FNDC1: variants seen among roughly 807,000 people sequenced by gnomAD.
FNDC1 encodes the protein fibronectin type III domain-containing protein 1.
Under a neutral mutation model 168.0 loss-of-function variants are expected in FNDC1, and 96 were observed. The observed-to-expected ratio is 0.57, with a 90% CI of 0.48 to 0.68. The LOEUF (loss-of-function observed/expected upper bound fraction) is 0.68, where lower values mean the gene tolerates loss of function less well. Ranked by LOEUF, FNDC1 falls within the 30% of genes least tolerant of loss-of-function variation. FNDC1 has a pLI of 0.00. For synonymous variants in FNDC1, 1,099 were observed against 1,025.9 expected, an observed-to-expected ratio of 1.07 and a Z score of -1.36; for missense variants, 2,587 against 2,482.1, an observed-to-expected ratio of 1.04 and a Z score of -0.90.
At chr6:159,252,976 C>T (rs754463761) in intron 17 of FNDC1, among the ~76,000 whole-genome samples, 10 of 152,180 alleles carry the variant, frequency 6.6e-5, no homozygotes, top group Non-Finnish European at 1.5e-4. Flanking sequence ...GAACTCCCAA[C>T]AAATGTCTCT....
intron 1 of FNDC1, among the ~76,000 whole-genome samples, chr6:159,183,683 T>A (rs1781929964): frequency 6.6e-6 from 1 of 152,056 alleles, no homozygotes; most frequent in Non-Finnish European, 1.5e-5. Flanking sequence ...CAAGACGGGG[T>A]GACCAATGAT....
intron 4 of FNDC1, among the ~76,000 whole-genome samples, chr6:159,206,573 A>C (rs775076216): frequency 6.6e-6 from 1 of 152,322 alleles, no homozygotes; most frequent in Non-Finnish European, 1.5e-5. Context: ...GAGTGTTGAC[A>C]ACAGCTGGGG....
At position 159,229,999 on chromosome 6, in the gene FNDC1, A is replaced by G; in HGVS notation, c.1365A>G (p.Pro455=). 6.2e-7 allele frequency: 1 copy of G among 1,613,298 alleles called. No homozygotes were observed. Among genetic ancestry groups the G allele is most frequent in the South Asian group, 1.1e-5 (1 of 90,942 alleles). ...PHSKAFIVAM[P]TTSKADVEQN... is the part of the protein sequence containing the mutation. Reference sequence around the variant, plus strand: ...CCAAAGCCTTCATTGTCGCTATGCCAACAAGTAAGCATTATGTGTCTGTGG... The same window carrying G: ...CCAAAGCCTTCATTGTCGCTATGCCGACAAGTAAGCATTATGTGTCTGTGG... Residue 455 remains proline (P), a synonymous_variant, in exon 10 of 23, where the codon CCA becomes CCG. Coordinates refer to ENST00000297267, the MANE Select transcript of FNDC1 (RefSeq NM_032532.3).
chr6:159,233,438 G>T lies in FNDC1; in HGVS notation c.2926G>T (p.Ala976Ser), dbSNP rs529671635. The change falls in exon 11 of 23, where the codon GCG (alanine) becomes TCG (serine). Residue 976 changes from alanine to serine, a missense_variant. Ala to Ser is a moderately conservative substitution (Grantham distance 99, BLOSUM62 1). Transcript: ENST00000297267. This position sits in a 1 kb window ranked among gnomAD's most constrained non-coding sequence, Gnocchi z 4.6. ...ACAGCCAGGGTCCACAGACCGCCACGCGTCCCCTGCTCGTCCGCCCGCAGC... is the reference window on the plus strand; with the variant it reads ...ACAGCCAGGGTCCACAGACCGCCACTCGTCCCCTGCTCGTCCGCCCGCAGC... ...KAQPGSTDRH[A>S]SPARPPAARS... 4.3e-6 allele frequency: 7 copies of T among 1,610,166 alleles called. No individual in the cohort carries two copies. The South Asian group carries it at 5.5e-5, about 13-fold the overall frequency.
At chr6:159,175,284 C>A (rs1175869518) in intron 1 of FNDC1, among the ~76,000 whole-genome samples, 1 of 152,098 alleles carries the variant, frequency 6.6e-6, no homozygotes, top group African/African-American at 2.4e-5. Flanking sequence ...TCACAGTGAC[C>A]TTACGAAGTC....
chr6:159,268,406 T>G (rs1246169403), intron 22 of FNDC1, among the ~76,000 whole-genome samples: 9 of 152,334 alleles, frequency 5.9e-5, no homozygotes, highest in Middle Eastern at 3.4e-3. Context: ...TGTTCTGATT[T>G]GCTAAATTTT....
intron 1 of FNDC1, among the ~76,000 whole-genome samples, chr6:159,185,950 G>T (rs294876): frequency 0.34 from 52,439 of 152,070 alleles, 10,979 homozygotes; most frequent in East Asian, 0.62. Flanking sequence ...TCTGTCAGAC[G>T]GTTATATATT....
Position 159,169,669 on chromosome 6 carries a change from G to A in FNDC1, c.73G>A (p.Ala25Thr), listed in dbSNP as rs1781607164. 1.7e-6 allele frequency: 2 copies of A among 1,164,350 alleles called. No homozygotes were observed. The highest frequency in any genetic ancestry group is 1.6e-5 in the African/African-American group (1 of 61,734). The allele number at this position is 1,164,350 out of a possible 1,614,324, so 72.1% of individuals were successfully genotyped here. The change falls in exon 1 of 23, where the codon GCG (alanine) becomes ACG (threonine). Residue 25 changes from alanine (A) to threonine (T), a missense_variant. Physicochemically the swap from Ala to Thr is moderately conservative, Grantham distance 58. Coordinates refer to ENST00000297267, the MANE Select transcript of FNDC1 (RefSeq NM_032532.3). This position sits in a 1 kb window ranked among gnomAD's most constrained non-coding sequence, Gnocchi z 6.8. ...CTGGGCGGCGCTGCTGCTCTTGGCC[G>A]CGCTGCTCCCCGTCGCCTCCTCGGC... ...LSWAALLLLA[A>T]LLPVASSAAA...
In FNDC1 at chr6:159,261,506, G is replaced by GA. The variant is rs1241109816; in HGVS notation, c.5254+243dup. On this transcript the variant is annotated intron_variant, in intron 19 of 22. Transcript: ENST00000297267. ...CAGAAAGGTCAAATTCCAATGAAAG[G>GA]AAAAAATCTAGATTTCAACAACATG... Among the ~76,000 whole-genome samples the GA allele has an allele frequency of 4.6e-5, 7 of 152,148 alleles. No homozygotes were observed. The East Asian group carries it at 7.7e-4, about 17-fold the overall frequency.
chr6:159,197,672 C>T (rs1408475809), intron 2 of FNDC1, 47 bp downstream of exon 2: 7 of 1,504,112 alleles, frequency 4.7e-6, no homozygotes, highest in Non-Finnish European at 6.4e-6. Flanking sequence ...AACTGTGCAC[C>T]AACATTCTCA....
At position 159,233,723 on chromosome 6, in the gene FNDC1, C is replaced by G. The variant is rs1783165925; in HGVS notation, c.3211C>G (p.Gln1071Glu). The stretch of plus-strand genomic sequence containing the variant: ...GATGCTCCCCACGGCCCTCCAGAAC[C>G]AGGACGAGGATGCCCAGGGCAGCTA... ...RGMLPTALQN[Q>E]DEDAQGSYDD... The change falls in exon 11 of 23, where the codon CAG (glutamine) becomes GAG (glutamate). Residue 1071 changes from glutamine (Q) to glutamate (E), a missense_variant. Gln to Glu is a conservative substitution (Grantham distance 29, BLOSUM62 2). Coordinates refer to ENST00000297267, the MANE Select transcript of FNDC1 (RefSeq NM_032532.3). This position sits in a 1 kb window ranked among gnomAD's most constrained non-coding sequence, Gnocchi z 4.6. 6.5e-7 allele frequency: 1 copy of G among 1,549,806 alleles called. No individual in the cohort carries two copies. The highest frequency in any genetic ancestry group is 2.0e-5 in the Admixed American group (1 of 50,970).
intron 19 of FNDC1, among the ~76,000 whole-genome samples, chr6:159,261,575 A>G (rs1364839962): frequency 6.6e-6 from 1 of 152,244 alleles, no homozygotes; most frequent in African/African-American, 2.4e-5. Context: ...TTAGTTGCAG[A>G]GTTTTAAAAA....
intron 5 of FNDC1, among the ~76,000 whole-genome samples, chr6:159,221,249 G>A (rs1192063914): frequency 6.6e-6 from 1 of 152,172 alleles, no homozygotes; most frequent in Non-Finnish European, 1.5e-5. Flanking sequence ...GGGGAATTAT[G>A]TGGGTAAACG....
chr6:159,235,532 G>C (rs1056859881), intron 11 of FNDC1, among the ~76,000 whole-genome samples: 1 of 152,136 alleles, frequency 6.6e-6, no homozygotes, highest in African/African-American at 2.4e-5. Context: ...AGAGAAATAA[G>C]TGTCTGACCT....
chr6:159,224,513 GATAT>G (rs1418180608), intron 7 of FNDC1, among the ~76,000 whole-genome samples: 1 of 152,126 alleles, frequency 6.6e-6, no homozygotes, highest in Non-Finnish European at 1.5e-5. Flanking sequence ...ATTCATGTTA[GATAT>G]ATAGTTTCCT....
At chr6:159,257,521 C>T (rs914894485) in intron 18 of FNDC1, among the ~76,000 whole-genome samples, 9 of 152,116 alleles carry the variant, frequency 5.9e-5, no homozygotes, top group East Asian at 1.9e-4. Flanking sequence ...GCAAAGAGCT[C>T]GAAGTGAGGT....
rs59954442 is a variant in FNDC1 at position 159,251,928 on chromosome 6, G to A, written c.5065+396G>A. Among the ~76,000 whole-genome samples, 1,386 of 152,274 alleles carry A rather than the reference G, an allele frequency of 9.1e-3. 20 individuals carry two copies. The highest frequency in any genetic ancestry group is 0.031 in the African/African-American group (1,302 of 41,538). ...TGCAGGATCAGATCCTGCAGTGAGC[G>A]TGACCATAAGCTCCCGCTGGGCCAC... On this transcript the variant is annotated intron_variant, in intron 17 of 22. Coordinates refer to ENST00000297267, the MANE Select transcript of FNDC1 (RefSeq NM_032532.3).
rs545227898 is a variant in FNDC1, at chr6:159,236,306, A to G, written c.4059A>G (p.Gly1353=). ...AGAGAATTATCAATGGCCCTCAAGGAACAAAGTGGGTAGGGTAAACTTCTT... is the reference window on the plus strand; with the variant it reads ...AGAGAATTATCAATGGCCCTCAAGGGACAAAGTGGGTAGGGTAAACTTCTT... ...NGQRIINGPQ[G]TKWVVDLDRG... Residue 1353 remains glycine (G), a synonymous_variant, in exon 12 of 23, where the codon GGA becomes GGG. Transcript: ENST00000297267. 6.2e-7 allele frequency: 1 copy of G among 1,612,570 alleles called. No individual in the cohort carries two copies. The highest frequency in any genetic ancestry group is 8.5e-7 in the Non-Finnish European group (1 of 1,178,794).
chr6:159,178,089 C>T (rs951597195), intron 1 of FNDC1, among the ~76,000 whole-genome samples: 3 of 152,086 alleles, frequency 2.0e-5, no homozygotes, highest in East Asian at 1.9e-4. Flanking sequence ...ATTCTATGCA[C>T]GAATGCCTGA....
Sources: allele counts gnomAD v4.1 joint callset (sites outside exome capture counted in the v4.1 genomes callset), GRCh38; gene constraint gnomAD v4.1.1; non-coding constraint Gnocchi (gnomAD v3.1); transcripts MANE v1.5; gene names NCBI Gene and HGNC (gene_info 2026-07-23, HGNC 2026-07-21).